Variants in MAP4 observed in about 807,000 individuals in gnomAD.
MAP4 encodes the protein microtubule associated protein 4.
In MAP4, 76 loss-of-function variants were observed where a neutral mutation model predicts 170.2. The observed-to-expected ratio is 0.45, with a 90% confidence interval of 0.37 to 0.54. The LOEUF is 0.54. Ranked by LOEUF, MAP4 falls within the 20% of genes least tolerant of loss-of-function variation. The pLI is 0.00. For missense variants in MAP4, 2,506 were observed against 2,748.0 expected (o/e 0.91, Z 1.97); for synonymous variants, 909 against 994.5 (o/e 0.91, Z 1.62).
chr3:47,933,464 G>T (rs1355431722), intron 3 of MAP4, among the ~76,000 whole-genome samples: 1 of 151,838 alleles, frequency 6.6e-6, no homozygotes, highest in Non-Finnish European at 1.5e-5. Flanking sequence ...TTGAGACAGG[G>T]TCTCACTCTG....
chr3:47,922,311 A>G (rs1346972573), intron 4 of MAP4, among the ~76,000 whole-genome samples: 2 of 152,204 alleles, frequency 1.3e-5, no homozygotes, highest in African/African-American at 4.8e-5. Flanking sequence ...AACCGAAATC[A>G]TATGTGACTG....
chr3:47,909,782 G>T lies in MAP4; in HGVS notation c.4639C>A (p.His1547Asn). The stretch of plus-strand genomic sequence containing the variant: ...ACTGACTCAGATTCTCCTATCACAT[G>T]CCCTTCATCGATCCCTGCTTCATTT... ...MKNEAGIDEG[H>N]VIGESESVHS... Residue 1547 changes from histidine to asparagine, a missense_variant, in exon 9 of 21, where the codon CAT becomes AAT. By Grantham distance (68) the His-to-Asn change is moderately conservative. Coordinates refer to ENST00000683076, the MANE Select transcript of MAP4 (RefSeq NM_001385682.1). 2 of 1,613,952 alleles carry T rather than the reference G, an allele frequency of 1.2e-6. No individual in the cohort carries two copies. Among genetic ancestry groups the T allele is most frequent in the Non-Finnish European group, 1.7e-6 (2 of 1,179,882 alleles).
At chr3:47,872,787 T>C (rs996400010) in intron 12 of MAP4, among the ~76,000 whole-genome samples, 3 of 152,172 alleles carry the variant, frequency 2.0e-5, no homozygotes, top group Admixed American at 6.5e-5. Flanking sequence ...GTAACCTCTG[T>C]AGAAATGCCA....
intron 2 of MAP4, among the ~76,000 whole-genome samples, chr3:47,979,269 G>A (rs1267263263): frequency 6.6e-6 from 1 of 150,812 alleles, no homozygotes; most frequent in East Asian, 2.0e-4. Flanking sequence ...CTAATAATTA[G>A]GTAATTAGGT....
intron 11 of MAP4, 61 bp from the exon 12 acceptor site, chr3:47,875,961 CAAG>C: frequency 8.2e-7 from 1 of 1,216,946 alleles, no homozygotes; most frequent in Non-Finnish European, 1.2e-6. Flanking sequence ...ATCAAACAGA[CAAG>C]AATAAAAACA....
At chr3:48,002,991 A>AAATTAATTAATTAATT (rs1553716141) in intron 1 of MAP4, among the ~76,000 whole-genome samples, 4 of 150,546 alleles carry the variant, frequency 2.7e-5, no homozygotes, top group African/African-American at 7.4e-5. Flanking sequence ...ATAAATAAAT[A>AAATTAATTAATTAATT]AATTTAATTC....
intron 1 of MAP4, among the ~76,000 whole-genome samples, chr3:48,045,317 T>C (rs895459424): frequency 2.0e-5 from 3 of 148,244 alleles, no homozygotes; most frequent in East Asian, 2.0e-4. Context: ...GTTATAATTA[T>C]AGGAAAATTG....
intron 10 of MAP4, among the ~76,000 whole-genome samples, chr3:47,879,397 G>C (rs1375003841): frequency 3.3e-5 from 5 of 152,118 alleles, no homozygotes; most frequent in South Asian, 2.1e-4. Context: ...GAAAGGATGG[G>C]ACACAAAACT....
At chr3:47,947,190 T>C (rs1031350288) in intron 3 of MAP4, among the ~76,000 whole-genome samples, 2 of 152,346 alleles carry the variant, frequency 1.3e-5, no homozygotes, top group African/African-American at 4.8e-5. Flanking sequence ...AACATTGTAC[T>C]TTTTTCTTGT....
chr3:47,859,662 C>T (rs1311715568), intron 17 of MAP4, among the ~76,000 whole-genome samples: 2 of 152,238 alleles, frequency 1.3e-5, no homozygotes, highest in East Asian at 3.8e-4. Flanking sequence ...CCACCAGGAA[C>T]TATACCATAA....
At chr3:47,863,445 A>G (rs2072023627) in intron 17 of MAP4, among the ~76,000 whole-genome samples, 3 of 151,922 alleles carry the variant, frequency 2.0e-5, no homozygotes, top group African/African-American at 7.3e-5. Context: ...AGCCTCAGGG[A>G]ACCATGTGCG....
chr3:47,989,311 G>A (rs561674283), intron 2 of MAP4, among the ~76,000 whole-genome samples: 5 of 152,274 alleles, frequency 3.3e-5, no homozygotes, highest in African/African-American at 7.2e-5. Context: ...CTGGGTTCAG[G>A]TTGTGCTGTC....
At chr3:48,037,590 T>TA (rs2100119369) in intron 1 of MAP4, among the ~76,000 whole-genome samples, 1 of 151,966 alleles carries the variant, frequency 6.6e-6, no homozygotes, top group Non-Finnish European at 1.5e-5. Context: ...AGACAGGGCT[T>TA]CTCCATGTTG....
At chr3:48,067,632 C>CA (rs2100138954) in intron 1 of MAP4, among the ~76,000 whole-genome samples, 1 of 139,784 alleles carries the variant, frequency 7.2e-6, no homozygotes. Context: ...CAAGAGAAAC[C>CA]TTTTTTTTTT....
At position 47,877,537 on chromosome 3, in the gene MAP4, G is replaced by A; in HGVS notation, c.5435-14C>T. Reference sequence around the variant, plus strand: ...GCCTGGCTATTCCTAAGGGGAGAGGGTGAGTGGGAATTATGCTAAGCAAAC... The same window carrying A: ...GCCTGGCTATTCCTAAGGGGAGAGGATGAGTGGGAATTATGCTAAGCAAAC... On this transcript the variant is annotated splice_polypyrimidine_tract_variant and intron_variant, in intron 10 of 20. Transcript: ENST00000683076. 1 of 1,569,254 alleles carries A rather than the reference G, an allele frequency of 6.4e-7. No homozygotes were observed. Among genetic ancestry groups the A allele is most frequent in the Non-Finnish European group, 8.7e-7 (1 of 1,142,866 alleles).
chr3:48,058,963 A>G (rs2100133727), intron 1 of MAP4, among the ~76,000 whole-genome samples: 1 of 151,994 alleles, frequency 6.6e-6, no homozygotes, highest in Admixed American at 6.6e-5. Flanking sequence ...TATTTTTAGT[A>G]GAGATGGGTT....
At chr3:47,917,716 AAAG>A (rs1190665655) in intron 6 of MAP4, among the ~76,000 whole-genome samples, 2 of 152,218 alleles carry the variant, frequency 1.3e-5, no homozygotes, top group Non-Finnish European at 2.9e-5. Context: ...GAGAAATGGC[AAAG>A]AAGAGAGAAA....
intron 3 of MAP4, among the ~76,000 whole-genome samples, chr3:47,957,177 T>G (rs568296067): frequency 7.0e-4 from 106 of 152,254 alleles, no homozygotes; most frequent in African/African-American, 2.0e-3. Flanking sequence ...TGCGGCTGCT[T>G]CTTTTTTTGA....
At chr3:48,054,964 G>A (rs573931661) in intron 1 of MAP4, among the ~76,000 whole-genome samples, 50 of 152,216 alleles carry the variant, frequency 3.3e-4, no homozygotes, top group African/African-American at 1.1e-3. Context: ...AAACCTACCC[G>A]TTCTAGCAAA....
Sources: gnomAD v4.1 joint callset for allele counts (sites outside exome capture counted in the v4.1 genomes callset) on GRCh38, gnomAD v4.1.1 for gene constraint, MANE v1.5 for transcripts, NCBI Gene and HGNC (gene_info 2026-07-23, HGNC 2026-07-21) for gene names.